The following EPB41L4A variants were observed in gnomAD, a reference collection of about 807,000 sequenced individuals.
EPB41L4A encodes the protein band 4.1-like protein 4A.
Under a neutral mutation model 108.6 loss-of-function variants are expected in EPB41L4A, and 100 were observed. That is an observed-to-expected ratio of 0.92 (90% confidence interval 0.78 to 1.09). EPB41L4A has a LOEUF of 1.09. Among genes scored for constraint, EPB41L4A ranks in the 50% least tolerant of loss-of-function variants. The probability of loss-of-function intolerance (pLI) is 0.00; values close to 1 mark genes in which losing one functional copy is unlikely to be tolerated. For synonymous variants in EPB41L4A, 319 were observed against 289.0 expected, an observed-to-expected ratio of 1.10 and a Z score of -1.05; for missense variants, 1,030 against 842.7, an observed-to-expected ratio of 1.22 and a Z score of -2.75.
At chr5:112,388,506 C>G (rs903471283) in intron 1 of EPB41L4A, among the ~76,000 whole-genome samples, 4 of 152,196 alleles carry the variant, frequency 2.6e-5, no homozygotes, top group Admixed American at 2.6e-4. Context: ...ATAGCTCCCA[C>G]AGGTGACTGT....
chr5:112,202,046 A>C (rs1762246891), intron 15 of EPB41L4A, among the ~76,000 whole-genome samples: 1 of 152,206 alleles, frequency 6.6e-6, no homozygotes, highest in Non-Finnish European at 1.5e-5. Context: ...ATTCCTGGAC[A>C]CTTTGCCAGC....
intron 1 of EPB41L4A, among the ~76,000 whole-genome samples, chr5:112,323,082 C>A (rs1755909245): frequency 6.6e-6 from 1 of 151,996 alleles, no homozygotes; most frequent in Non-Finnish European, 1.5e-5. Context: ...ATTCAGAGTT[C>A]TGAAAGATCA....
intron 1 of EPB41L4A, among the ~76,000 whole-genome samples, chr5:112,379,963 C>G (rs1307945999): frequency 6.6e-6 from 1 of 152,158 alleles, no homozygotes; most frequent in African/African-American, 2.4e-5. Context: ...AAATTAAAAG[C>G]CATACAATTT....
At chr5:112,313,736 T>C (rs1419238437) in intron 1 of EPB41L4A, among the ~76,000 whole-genome samples, 1 of 152,064 alleles carries the variant, frequency 6.6e-6, no homozygotes, top group African/African-American at 2.4e-5. Flanking sequence ...ATTTGGTTTA[T>C]GCACCGAGAA....
intron 1 of EPB41L4A, among the ~76,000 whole-genome samples, chr5:112,375,359 C>T (rs183635871): frequency 0.033 from 4,960 of 150,244 alleles, 144 homozygotes; most frequent in African/African-American, 0.077. Flanking sequence ...ACACACACCC[C>T]TTCCTCTATT....
chr5:112,414,314 A>C (rs1457040897), intron 1 of EPB41L4A, among the ~76,000 whole-genome samples: 1 of 152,244 alleles, frequency 6.6e-6, no homozygotes, highest in Non-Finnish European at 1.5e-5. Context: ...GTTACCCCGC[A>C]TTCAATATTG....
chr5:112,281,926 C>T (rs1486036584), intron 2 of EPB41L4A, among the ~76,000 whole-genome samples: 1 of 152,058 alleles, frequency 6.6e-6, no homozygotes, highest in East Asian at 1.9e-4. Context: ...TTGTCACTCA[C>T]AGCAGTTTCC....
intron 1 of EPB41L4A, among the ~76,000 whole-genome samples, chr5:112,375,697 G>T (rs947140238): frequency 1.3e-5 from 2 of 152,134 alleles, no homozygotes; most frequent in African/African-American, 4.8e-5. Context: ...CCAGGACTGT[G>T]TAGGTCTGGG....
rs61692111 is a variant in EPB41L4A at position 112,175,722 on chromosome 5, ATGTGTG to A, written c.1623-4736_1623-4731del. On this transcript the variant is annotated intron_variant, in intron 18 of 22. Coordinates refer to ENST00000261486, the MANE Select transcript of EPB41L4A (RefSeq NM_022140.5). Reference sequence around the variant, plus strand: ...TTATGTATATATTATATCTGAAGATATGTGTGTGTGTGTGTATATGTATATATATAT... The same window carrying A: ...TTATGTATATATTATATCTGAAGATATGTGTGTGTATATGTATATATATAT... 7.1e-4 allele frequency among the ~76,000 whole-genome samples: 107 copies of A among 151,010 alleles called. 1 individual carries two copies. The highest frequency in any genetic ancestry group is 4.6e-3 in the South Asian group (22 of 4,790).
chr5:112,331,504 T>A (rs2150665984), intron 1 of EPB41L4A, among the ~76,000 whole-genome samples: 1 of 152,362 alleles, frequency 6.6e-6, no homozygotes, highest in East Asian at 1.9e-4. Context: ...AGGGCTGGCA[T>A]GCCCTGCTCC....
chr5:112,285,508 G>C (rs1047512649), intron 2 of EPB41L4A, among the ~76,000 whole-genome samples: 1 of 152,108 alleles, frequency 6.6e-6, no homozygotes, highest in South Asian at 2.1e-4. Flanking sequence ...GCTTTAATTT[G>C]CTCCTTCATA....
At chr5:112,344,640 A>C (rs1757522322) in intron 1 of EPB41L4A, among the ~76,000 whole-genome samples, 1 of 152,234 alleles carries the variant, frequency 6.6e-6, no homozygotes, top group Admixed American at 6.5e-5. Context: ...TCAATCCATT[A>C]CAAGGCCTGA....
intron 17 of EPB41L4A, among the ~76,000 whole-genome samples, chr5:112,184,513 A>T (rs1761327964): frequency 6.6e-6 from 1 of 152,270 alleles, no homozygotes; most frequent in African/African-American, 2.4e-5. Flanking sequence ...TAGTCAAAAT[A>T]GTAATAAATA....
At chr5:112,172,358 A>G (rs1760629075) in intron 18 of EPB41L4A, among the ~76,000 whole-genome samples, 1 of 152,028 alleles carries the variant, frequency 6.6e-6, no homozygotes, top group South Asian at 2.1e-4. Flanking sequence ...TAAAAATACA[A>G]AAAATTAGCT....
intron 9 of EPB41L4A, among the ~76,000 whole-genome samples, chr5:112,244,718 C>T (rs577996864): frequency 6.6e-6 from 1 of 152,112 alleles, no homozygotes; most frequent in African/African-American, 2.4e-5. Context: ...GTATGTGTGG[C>T]TGGCAGAGAA....
At chr5:112,350,346 T>C (rs1344402611) in intron 1 of EPB41L4A, among the ~76,000 whole-genome samples, 1 of 152,178 alleles carries the variant, frequency 6.6e-6, no homozygotes, top group Admixed American at 6.5e-5. Flanking sequence ...CACAAGCATC[T>C]TTTTTTGATA....
rs1223418346 is a variant in EPB41L4A at position 112,275,400 on chromosome 5, T to C, written c.261A>G (p.Gly87=). The C allele has an allele frequency of 6.5e-7, 1 of 1,538,494 alleles. No individual in the cohort carries two copies. Among genetic ancestry groups the C allele is most frequent in the Non-Finnish European group, 8.8e-7 (1 of 1,137,416 alleles). Residue 87 remains glycine (G), a synonymous_variant, in exon 4 of 23, where the codon GGA becomes GGG. Coordinates refer to ENST00000261486, the MANE Select transcript of EPB41L4A (RefSeq NM_022140.5). ...LAEHKELINT[G]PPYTLYFGIK... ...TACCAAAATACAAAGTATATGGAGG[T>C]CCAGCTAAAATAAGAAATAGAAATT...
In EPB41L4A at chr5:112,244,684, C is replaced by T. The variant is rs553849617; in HGVS notation, c.796-3874G>A. ...GCAAATAGGCTTTCCAGTTGATCTGCGCCATCTTGTCTGCTCCTTTATAGT... is the reference window on the plus strand; with the variant it reads ...GCAAATAGGCTTTCCAGTTGATCTGTGCCATCTTGTCTGCTCCTTTATAGT... On this transcript the variant is annotated intron_variant, in intron 9 of 22. Coordinates refer to ENST00000261486, the MANE Select transcript of EPB41L4A (RefSeq NM_022140.5). Among the ~76,000 whole-genome samples, 162 of 152,236 alleles carry T rather than the reference C, an allele frequency of 1.1e-3. 2 individuals carry two copies. The highest frequency in any genetic ancestry group is 1.4e-3 in the Admixed American group (22 of 15,292).
At chr5:112,309,026 T>C (rs978570981) in intron 1 of EPB41L4A, among the ~76,000 whole-genome samples, 2 of 152,206 alleles carry the variant, frequency 1.3e-5, no homozygotes, top group Non-Finnish European at 2.9e-5. Flanking sequence ...ACCCAAAGTT[T>C]ATGAGCAAAT....
Sources: gnomAD v4.1 joint callset for allele counts (sites outside exome capture counted in the v4.1 genomes callset) on GRCh38, gnomAD v4.1.1 for gene constraint, MANE v1.5 for transcripts, NCBI Gene and HGNC (gene_info 2026-07-23, HGNC 2026-07-21) for gene names.